Variants in ACTR3B observed in about 807,000 individuals in gnomAD.
ACTR3B encodes the protein actin-related protein 3B.
A neutral mutation model predicts 59.0 loss-of-function variants in ACTR3B; 8 were observed. The observed-to-expected ratio is 0.14, with a 90% CI of 0.08 to 0.24. The LOEUF is 0.24. ACTR3B is among the 10% of genes least tolerant of loss of function. ACTR3B has a pLI of 1.00. For missense variants in ACTR3B, 245 were observed against 552.3 expected, an observed-to-expected ratio of 0.44 and a Z score of 5.58; for synonymous variants, 148 against 197.9, an observed-to-expected ratio of 0.75 and a Z score of 2.12.
chr7:152,826,647 G>A (rs962649002), intron 9 of ACTR3B, among the ~76,000 whole-genome samples: 12 of 152,120 alleles, frequency 7.9e-5, no homozygotes, highest in African/African-American at 2.9e-4. Context: ...CAGCAGCAGG[G>A]AACACTGTTC....
Position 152,827,063 on chromosome 7 carries a change from C to A in ACTR3B, c.951+1941C>A, listed in dbSNP as rs572326319. Reference sequence around the variant, plus strand: ...GTGGCGTGATCACAGCTCACTGCAGCCTCGACCTCTCGGGCTCAAGCGATC... The same window carrying A: ...GTGGCGTGATCACAGCTCACTGCAGACTCGACCTCTCGGGCTCAAGCGATC... On this transcript the variant is annotated intron_variant, in intron 9 of 11. Transcript: ENST00000256001. Among the ~76,000 whole-genome samples the A allele has an allele frequency of 3.8e-3, 562 of 149,364 alleles. 1 individual carries two copies. In the South Asian group the frequency reaches 0.039, roughly 10 times the overall value.
intron 9 of ACTR3B, among the ~76,000 whole-genome samples, chr7:152,840,429 T>C (rs1797787999): frequency 6.6e-6 from 1 of 152,214 alleles, no homozygotes; most frequent in Non-Finnish European, 1.5e-5. Flanking sequence ...GGCCTGGTGA[T>C]GTCTTCACAG....
At chr7:152,763,263 C>T (rs1273127504) in intron 1 of ACTR3B, among the ~76,000 whole-genome samples, 3 of 132,630 alleles carry the variant, frequency 2.3e-5, no homozygotes, top group Non-Finnish European at 3.1e-5. Flanking sequence ...TGCAGTGAGC[C>T]GAGATCGGGC....
At chr7:152,802,631 AAATT>A (rs2098240188) in intron 4 of ACTR3B, among the ~76,000 whole-genome samples, 1 of 150,198 alleles carries the variant, frequency 6.7e-6, no homozygotes, top group Non-Finnish European at 1.5e-5. Flanking sequence ...CATCAAGTTA[AAATT>A]AATTATATGT....
intron 5 of ACTR3B, among the ~76,000 whole-genome samples, chr7:152,814,885 A>C (rs879246332): frequency 1.3e-4 from 20 of 152,166 alleles, no homozygotes; most frequent in African/African-American, 4.6e-4. Context: ...ATTAAAGTCT[A>C]ATGCATTTTT....
At chr7:152,833,472 G>A (rs1473156175) in intron 9 of ACTR3B, among the ~76,000 whole-genome samples, 3 of 152,184 alleles carry the variant, frequency 2.0e-5, no homozygotes, top group African/African-American at 7.2e-5. Flanking sequence ...TAATAGGGCT[G>A]TCCTCTTAAC....
intron 1 of ACTR3B, among the ~76,000 whole-genome samples, chr7:152,765,813 A>C (rs1313813503): frequency 6.6e-6 from 1 of 152,032 alleles, no homozygotes; most frequent in African/African-American, 2.4e-5. Flanking sequence ...TTTGGCTCAC[A>C]GTTCTGGAGG....
chr7:152,767,233 C>T (rs2116504155), intron 1 of ACTR3B, among the ~76,000 whole-genome samples: 2 of 151,908 alleles, frequency 1.3e-5, no homozygotes, highest in Middle Eastern at 3.4e-3. Flanking sequence ...TCCTGTTTAT[C>T]TCAACATAAT....
Position 152,759,866 on chromosome 7 carries a change from C to G in ACTR3B, c.-17C>G, listed in dbSNP as rs771544968. On this transcript the variant is annotated 5_prime_UTR_variant, in exon 1 of 12. Transcript: ENST00000256001. ...CTCTCGGGCTGCCGGCGGGGCCGAG[C>G]GCCGCGCGTCCCGAGCATGGCAGGC... is the stretch of plus-strand genomic sequence containing the variant. The G allele has an allele frequency of 1.5e-6, 2 of 1,303,806 alleles. No homozygotes were observed. The highest frequency in any genetic ancestry group is 2.1e-5 in the South Asian group (1 of 46,664). The allele number at this position is 1,303,806 out of a possible 1,614,324, so 80.8% of individuals were successfully genotyped here. A position where few individuals can be genotyped will look rare whatever the true frequency, so the allele number is the denominator to read the frequency against.
chr7:152,799,438 G>A (rs2098227670), intron 2 of ACTR3B, among the ~76,000 whole-genome samples: 2 of 152,176 alleles, frequency 1.3e-5, no homozygotes, highest in African/African-American at 4.8e-5. Flanking sequence ...TGTCTCATAA[G>A]CTATTGTGAG....
chr7:152,791,193 T>C (rs2116675310), intron 2 of ACTR3B, among the ~76,000 whole-genome samples: 1 of 152,096 alleles, frequency 6.6e-6, no homozygotes, highest in African/African-American at 2.4e-5. Flanking sequence ...GTAATTTTAA[T>C]AGAGACAGGG....
chr7:152,804,165 A>T (rs1477390349), intron 4 of ACTR3B, among the ~76,000 whole-genome samples: 2 of 152,184 alleles, frequency 1.3e-5, no homozygotes, highest in Non-Finnish European at 2.9e-5. Flanking sequence ...TACACTGGTT[A>T]TGTGGACTGA....
chr7:152,840,542 T>A (rs1192581475), intron 9 of ACTR3B, among the ~76,000 whole-genome samples: 1 of 151,150 alleles, frequency 6.6e-6, no homozygotes, highest in Non-Finnish European at 1.5e-5. Flanking sequence ...CCCACCTGGC[T>A]CCAGGGAGTA....
intron 9 of ACTR3B, 52 bp downstream of exon 9, chr7:152,825,174 C>T (rs1248576360): frequency 1.3e-6 from 2 of 1,578,656 alleles, no homozygotes; most frequent in East Asian, 2.3e-5. Context: ...ATTAAAGGCC[C>T]ATAATTCTTA....
At chr7:152,791,302 G>T (rs990659533) in intron 2 of ACTR3B, among the ~76,000 whole-genome samples, 31 of 152,076 alleles carry the variant, frequency 2.0e-4, no homozygotes, top group African/African-American at 7.0e-4. Context: ...CGCTGTGCCG[G>T]CCCATTGTTC....
intron 9 of ACTR3B, among the ~76,000 whole-genome samples, chr7:152,847,169 A>G (rs1188775090): frequency 6.1e-5 from 9 of 148,208 alleles, no homozygotes; most frequent in Admixed American, 5.4e-4. Flanking sequence ...AGTGAGCTCT[A>G]GTGCCCGGGC....
chr7:152,764,413 C>A (rs1307882615), intron 1 of ACTR3B, among the ~76,000 whole-genome samples: 1 of 152,056 alleles, frequency 6.6e-6, no homozygotes, highest in African/African-American at 2.4e-5. Context: ...TGGATCACGA[C>A]CCGTGGTCAG....
At chr7:152,841,859 G>T (rs2462080) in intron 9 of ACTR3B, among the ~76,000 whole-genome samples, 69 of 151,936 alleles carry the variant, frequency 4.5e-4, no homozygotes, top group Admixed American at 1.2e-3. Context: ...GCCATCACTT[G>T]GTATTATGTT....
intron 4 of ACTR3B, among the ~76,000 whole-genome samples, chr7:152,810,408 GTTT>G (rs1165466125): frequency 5.5e-5 from 7 of 126,904 alleles, no homozygotes; most frequent in East Asian, 2.4e-4. Context: ...CACCCAGCCT[GTTT>G]TTTTTTTTTT....
Sources: gnomAD v4.1 joint callset for allele counts (sites outside exome capture counted in the v4.1 genomes callset) on GRCh38, gnomAD v4.1.1 for gene constraint, MANE v1.5 for transcripts, NCBI Gene and HGNC (gene_info 2026-07-23, HGNC 2026-07-21) for gene names.